Variants in CORO1C observed in about 807,000 individuals in gnomAD.
The protein encoded by CORO1C is coronin-1C.
CORO1C carries 14 observed loss-of-function variants against 51.2 expected under a neutral mutation model. The observed-to-expected ratio is 0.27, with a 90% confidence interval of 0.18 to 0.43. CORO1C has a LOEUF of 0.43. CORO1C is among the 20% of genes least tolerant of loss of function. The probability of loss-of-function intolerance (pLI) is 1.00; values close to 1 mark genes in which losing one functional copy is unlikely to be tolerated. For synonymous variants in CORO1C, 181 were observed against 210.5 expected (o/e 0.86, Z 1.21); for missense variants, 417 against 607.8 (o/e 0.69, Z 3.30).
chr12:108,663,797 A>G (rs1414025912), intron 3 of CORO1C, among the ~76,000 whole-genome samples: 2 of 152,194 alleles, frequency 1.3e-5, no homozygotes, highest in Non-Finnish European at 2.9e-5. Flanking sequence ...AACTCAGTGA[A>G]TTGTACATTT....
chr12:108,714,257 C>T (rs988478419), intron 1 of CORO1C, among the ~76,000 whole-genome samples: 6 of 151,890 alleles, frequency 4.0e-5, no homozygotes, highest in East Asian at 1.9e-4. Context: ...GGCGTGGTGG[C>T]GCACAACTGT....
At chr12:108,653,171 G>A (rs549483048) in intron 7 of CORO1C, 1 of 152,328 alleles carries the variant, frequency 6.6e-6, no homozygotes, top group African/African-American at 2.4e-5. Flanking sequence ...TTGTCTCAAT[G>A]ACTGAGATAT....
chr12:108,658,389 A>G lies in CORO1C; in HGVS notation c.630+349T>C, dbSNP rs2033115404. On this transcript the variant is annotated intron_variant, in intron 5 of 10. Coordinates refer to ENST00000261401, the MANE Select transcript of CORO1C (RefSeq NM_014325.4). The surrounding 1 kb of genome is among the most constrained non-coding windows in gnomAD (Gnocchi z 4.9). ...AGCTGTGTTTGGAAAAGGGTGAGGA[A>G]TTGATTCATCAATATTCAATACTAA... Among the ~76,000 whole-genome samples, 1 of 152,138 alleles carries G rather than the reference A, an allele frequency of 6.6e-6. No individual in the cohort carries two copies. Among genetic ancestry groups the G allele is most frequent in the East Asian group, 1.9e-4 (1 of 5,192 alleles).
At chr12:108,728,311 T>C (rs755868160) in intron 1 of CORO1C, among the ~76,000 whole-genome samples, 3 of 151,116 alleles carry the variant, frequency 2.0e-5, no homozygotes, top group Non-Finnish European at 4.4e-5. Context: ...AAATACGGCA[T>C]ATCCAAACAA....
intron 2 of CORO1C, among the ~76,000 whole-genome samples, chr12:108,694,458 T>C (rs990551370): frequency 3.9e-5 from 6 of 152,286 alleles, no homozygotes; most frequent in African/African-American, 1.4e-4. Context: ...TTACTGATAA[T>C]ATTTTTCAAA....
intron 4 of CORO1C, among the ~76,000 whole-genome samples, chr12:108,661,233 T>A (rs1035461377): frequency 6.6e-6 from 1 of 152,224 alleles, no homozygotes; most frequent in East Asian, 1.9e-4. Flanking sequence ...TCTCCAATTT[T>A]AGATAAAGGA....
At position 108,671,034 on chromosome 12, in the gene CORO1C, A is replaced by T. The variant is rs371256282; in HGVS notation, c.318+7238T>A. Reference sequence around the variant, plus strand: ...ATAATAAAGTCTAAAAAAAAAGAATAAAAAAAAAAGGTTTAGGGCCTGGCA... The same window carrying T: ...ATAATAAAGTCTAAAAAAAAAGAATTAAAAAAAAAGGTTTAGGGCCTGGCA... On this transcript the variant is annotated intron_variant, in intron 3 of 10. Coordinates refer to ENST00000261401, the MANE Select transcript of CORO1C (RefSeq NM_014325.4). Among the ~76,000 whole-genome samples, 25 of 148,412 alleles carry T rather than the reference A, an allele frequency of 1.7e-4. No homozygotes were observed. The East Asian group carries it at 2.3e-3, about 14-fold the overall frequency.
chr12:108,695,706 T>A (rs945081076), intron 2 of CORO1C, among the ~76,000 whole-genome samples: 25 of 152,108 alleles, frequency 1.6e-4, no homozygotes, highest in African/African-American at 5.3e-4. Flanking sequence ...TCAACCAACA[T>A]GACAGAAACA....
intron 1 of CORO1C, among the ~76,000 whole-genome samples, chr12:108,703,586 C>T (rs796726982): frequency 5.3e-5 from 8 of 152,306 alleles, no homozygotes; most frequent in African/African-American, 1.9e-4. Context: ...CATCAAGGCC[C>T]ACTGTGAATC....
intron 2 of CORO1C, among the ~76,000 whole-genome samples, chr12:108,683,202 GA>G (rs2034182639): frequency 6.6e-6 from 1 of 152,110 alleles, no homozygotes; most frequent in Admixed American, 6.6e-5. Flanking sequence ...GGCAGATCAT[GA>G]GGTTAGGAGT....
chr12:108,725,966 A>T (rs1159755549), intron 1 of CORO1C, among the ~76,000 whole-genome samples: 1 of 151,916 alleles, frequency 6.6e-6, no homozygotes, highest in African/African-American at 2.4e-5. Context: ...CCTCCTGAGT[A>T]GCTGGGACTA....
chr12:108,663,298 T>C (rs529932218), intron 3 of CORO1C, among the ~76,000 whole-genome samples: 1 of 152,328 alleles, frequency 6.6e-6, no homozygotes, highest in South Asian at 2.1e-4. Flanking sequence ...TAAACAGAGT[T>C]ATCATATGAT....
chr12:108,695,305 C>T (rs926427958), intron 2 of CORO1C, among the ~76,000 whole-genome samples: 14 of 152,166 alleles, frequency 9.2e-5, no homozygotes, highest in Admixed American at 3.3e-4. Context: ...CCATCAATTC[C>T]ACCATACCCT....
At chr12:108,697,432 G>A (rs185351281) in intron 2 of CORO1C, among the ~76,000 whole-genome samples, 1 of 152,306 alleles carries the variant, frequency 6.6e-6, no homozygotes, top group East Asian at 1.9e-4. Context: ...ACATGTATTG[G>A]AGCCTAACAC....
intron 1 of CORO1C, among the ~76,000 whole-genome samples, chr12:108,715,144 A>G (rs10778654): frequency 0.59 from 89,710 of 151,726 alleles, 27,246 homozygotes; most frequent in East Asian, 0.99. Context: ...TGAAGCAGGA[A>G]GATCCCTTGA....
At chr12:108,661,222 A>G (rs1262372057) in intron 4 of CORO1C, among the ~76,000 whole-genome samples, 3 of 152,228 alleles carry the variant, frequency 2.0e-5, no homozygotes, top group Non-Finnish European at 2.9e-5. Context: ...AGAAAATGAA[A>G]TCTCCAATTT....
intron 1 of CORO1C, among the ~76,000 whole-genome samples, chr12:108,723,108 A>C (rs1471279172): frequency 6.6e-6 from 1 of 152,190 alleles, no homozygotes; most frequent in East Asian, 1.9e-4. Flanking sequence ...AAGAAAAACT[A>C]GGATGACATT....
intron 1 of CORO1C, among the ~76,000 whole-genome samples, chr12:108,715,807 T>TA (rs2035316325): frequency 6.6e-6 from 1 of 152,010 alleles, no homozygotes; most frequent in South Asian, 2.1e-4. Context: ...AAAACTTTTA[T>TA]AGACATGAGT....
chr12:108,658,639 G>T lies in CORO1C; in HGVS notation c.630+99C>A. On this transcript the variant is annotated intron_variant, in intron 5 of 10. Transcript: ENST00000261401. This position sits in a 1 kb window ranked among gnomAD's most constrained non-coding sequence, Gnocchi z 4.9. ...TCACAGTTGGTGTCTACACACAACA[G>T]GGTCCCACTGACCAGTACCGCTGCC... 1 of 1,165,978 alleles carries T rather than the reference G, an allele frequency of 8.6e-7. No homozygotes were observed. The highest frequency in any genetic ancestry group is 1.2e-6 in the Non-Finnish European group (1 of 810,348). The allele number at this position is 1,165,978 out of a possible 1,614,324, so 72.2% of individuals were successfully genotyped here. A position where few individuals can be genotyped will look rare whatever the true frequency, so the allele number is the denominator to read the frequency against.
Sources: allele counts gnomAD v4.1 joint callset (sites outside exome capture counted in the v4.1 genomes callset), GRCh38; gene constraint gnomAD v4.1.1; non-coding constraint Gnocchi (gnomAD v3.1); transcripts MANE v1.5; gene names NCBI Gene and HGNC (gene_info 2026-07-23, HGNC 2026-07-21).